Variants in PRKCE observed in about 807,000 individuals in gnomAD.
The protein encoded by PRKCE is protein kinase C epsilon type.
Under a neutral mutation model 85.4 loss-of-function variants are expected in PRKCE, and 16 were observed. The ratio of observed to expected loss-of-function variants is 0.19; its 90% CI spans 0.13 to 0.28. The LOEUF (loss-of-function observed/expected upper bound fraction) is 0.28, where lower values mean the gene tolerates loss of function less well. PRKCE is among the 10% of genes least tolerant of loss of function. PRKCE has a pLI of 1.00. For missense variants in PRKCE, 573 were observed against 975.2 expected (o/e 0.59, Z 5.49); for synonymous variants, 388 against 371.5 (o/e 1.04, Z -0.51).
chr2:45,978,839 A>T, intron 3 of PRKCE, 137 bp from the exon 4 acceptor site: 1 of 699,868 alleles, frequency 1.4e-6, no homozygotes, highest in South Asian at 1.9e-5. Flanking sequence ...TGCAAGTGAG[A>T]GAGAAATTAC....
At position 45,794,737 on chromosome 2, in the gene PRKCE, G is replaced by A. The variant is rs140537166; in HGVS notation, c.349-48263G>A. On this transcript the variant is annotated intron_variant, in intron 1 of 14. Coordinates refer to ENST00000306156, the MANE Select transcript of PRKCE (RefSeq NM_005400.3). ...TCCCACTCCCAAGGTTGGACTGTTC[G>A]AATACAAGCCTCCTCCACTTCTAAT... 4.7e-3 allele frequency among the ~76,000 whole-genome samples: 715 copies of A among 151,968 alleles called. 2 individuals are homozygous for A. The highest frequency in any genetic ancestry group is 0.016 in the African/African-American group (679 of 41,450).
At position 45,781,409 on chromosome 2, in the gene PRKCE, C is replaced by T. The variant is rs1489775551; in HGVS notation, c.349-61591C>T. ...CCTATCGCAGGGAGTCCAACCTCAG[C>T]CCTGTTTTTCTTAAATGATCATATT... On this transcript the variant is annotated intron_variant, in intron 1 of 14. Transcript: ENST00000306156. 6.6e-5 allele frequency among the ~76,000 whole-genome samples: 10 copies of T among 152,266 alleles called. No homozygotes were observed. In the South Asian group the frequency reaches 1.9e-3, roughly 28 times the overall value.
intron 2 of PRKCE, among the ~76,000 whole-genome samples, chr2:45,971,721 A>G (rs1459698413): frequency 6.6e-6 from 1 of 152,246 alleles, no homozygotes; most frequent in Non-Finnish European, 1.5e-5. Context: ...AGAAAAGTAA[A>G]AATCACCTGT....
intron 6 of PRKCE, chr2:46,000,764 G>A (rs1055850376): frequency 6.6e-6 from 1 of 152,188 alleles, no homozygotes; most frequent in Admixed American, 6.5e-5. Flanking sequence ...TACAGTTACA[G>A]TTTTTCTACC....
intron 1 of PRKCE, among the ~76,000 whole-genome samples, chr2:45,719,153 G>T (rs1285337345): frequency 2.6e-5 from 4 of 152,226 alleles, no homozygotes; most frequent in Admixed American, 2.6e-4. Flanking sequence ...TGCTAGGATG[G>T]GCACTGTCAT....
chr2:45,897,154 A>G (rs543808787), intron 2 of PRKCE, among the ~76,000 whole-genome samples: 1 of 152,336 alleles, frequency 6.6e-6, no homozygotes, highest in Non-Finnish European at 1.5e-5. Flanking sequence ...CTAAAACTGT[A>G]TTACACACAT....
chr2:45,971,689 G>A (rs1013133178), intron 2 of PRKCE, among the ~76,000 whole-genome samples: 2 of 152,178 alleles, frequency 1.3e-5, no homozygotes, highest in Non-Finnish European at 1.5e-5. Flanking sequence ...ATTCTTTTTA[G>A]AAAATACAAA....
intron 1 of PRKCE, among the ~76,000 whole-genome samples, chr2:45,794,641 G>T (rs1489131122): frequency 6.6e-6 from 1 of 152,170 alleles, no homozygotes; most frequent in African/African-American, 2.4e-5. Flanking sequence ...GGAGGGAGAT[G>T]TGTGACAGTC....
rs758801774 is a variant in PRKCE at position 45,883,522 on chromosome 2, G to A, written c.412+40459G>A. Among the ~76,000 whole-genome samples the A allele has an allele frequency of 4.6e-5, 7 of 152,298 alleles. No individual in the cohort carries two copies. In the East Asian group the frequency reaches 7.7e-4, roughly 17 times the overall value. On this transcript the variant is annotated intron_variant, in intron 2 of 14. Transcript: ENST00000306156. ...AGGCAGGGCAGAGCTACCCTTCTCC[G>A]CATGTGCCAGCCTAACAGGTCCCTC...
rs1459412724 is a variant in PRKCE at position 45,786,722 on chromosome 2, C to A, written c.349-56278C>A. ...ACCTTACTGGGGGTTCACCCTGTGC[C>A]AAGCAGGCTCTGAGTGCTGTGTACA... On this transcript the variant is annotated intron_variant, in intron 1 of 14. Transcript: ENST00000306156. The surrounding 1 kb of genome is among the most constrained non-coding windows in gnomAD (Gnocchi z 5.3). 2.0e-5 allele frequency among the ~76,000 whole-genome samples: 3 copies of A among 152,182 alleles called. No homozygotes were observed. Among genetic ancestry groups the A allele is most frequent in the Non-Finnish European group, 4.4e-5 (3 of 68,042 alleles).
intron 2 of PRKCE, among the ~76,000 whole-genome samples, chr2:45,962,777 C>G (rs1289201462): frequency 6.6e-6 from 1 of 152,032 alleles, no homozygotes; most frequent in Non-Finnish European, 1.5e-5. Flanking sequence ...GCGGGGGTGT[C>G]AGGGAGAGGC....
chr2:46,173,612 T>C (rs903687561), intron 14 of PRKCE, among the ~76,000 whole-genome samples: 12 of 152,218 alleles, frequency 7.9e-5, no homozygotes, highest in Admixed American at 4.6e-4. Context: ...CTTCTGTAGG[T>C]TTCTGAATTG....
chr2:46,086,466 G>C, intron 11 of PRKCE, 104 bp downstream of exon 11: 1 of 1,345,428 alleles, frequency 7.4e-7, no homozygotes, highest in Non-Finnish European at 1.0e-6. Context: ...TTAGCAACCT[G>C]CTTTAGATTA....
At chr2:45,730,826 A>G (rs544588624) in intron 1 of PRKCE, among the ~76,000 whole-genome samples, 34 of 152,258 alleles carry the variant, frequency 2.2e-4, no homozygotes, top group African/African-American at 7.9e-4. Context: ...CACTTCTCCC[A>G]AGGAAATTTC....
chr2:46,113,722 C>A (rs147497516), intron 11 of PRKCE, among the ~76,000 whole-genome samples: 1 of 152,302 alleles, frequency 6.6e-6, no homozygotes, highest in East Asian at 1.9e-4. Context: ...AGGGCTGCCA[C>A]TTAGCCCTGG....
chr2:45,753,642 C>T (rs1683766194), intron 1 of PRKCE, among the ~76,000 whole-genome samples: 1 of 152,112 alleles, frequency 6.6e-6, no homozygotes, highest in South Asian at 2.1e-4. Flanking sequence ...CCATAGCATT[C>T]TTCCCTTCCT....
chr2:45,998,894 C>A (rs1704439523), intron 6 of PRKCE, among the ~76,000 whole-genome samples: 1 of 152,128 alleles, frequency 6.6e-6, no homozygotes, highest in African/African-American at 2.4e-5. Flanking sequence ...GCATTTACAA[C>A]AAATCCAAAT....
intron 13 of PRKCE, 45 bp downstream of exon 13, chr2:46,151,274 T>G: frequency 8.4e-7 from 1 of 1,190,788 alleles, no homozygotes; most frequent in Non-Finnish European, 1.1e-6. Context: ...CCTGGGCTCC[T>G]CCCCCTACAC....
intron 2 of PRKCE, among the ~76,000 whole-genome samples, chr2:45,967,161 C>T (rs1021486502): frequency 6.6e-6 from 1 of 152,142 alleles, no homozygotes; most frequent in African/African-American, 2.4e-5. Context: ...GGCCATTTCA[C>T]GCTACTATGT....
Sources: gnomAD v4.1 joint callset for allele counts (sites outside exome capture counted in the v4.1 genomes callset) on GRCh38, gnomAD v4.1.1 for gene constraint, Gnocchi (gnomAD v3.1) non-coding constraint, MANE v1.5 for transcripts, NCBI Gene and HGNC (gene_info 2026-07-23, HGNC 2026-07-21) for gene names.